Variants in PBLD observed in about 807,000 individuals in gnomAD.
PBLD encodes the protein phenazine biosynthesis-like domain-containing protein.
A neutral mutation model predicts 31.3 loss-of-function variants in PBLD; 26 were observed. That is an observed-to-expected ratio of 0.83 (90% CI 0.61 to 1.15). PBLD has a LOEUF of 1.15. Ranked by LOEUF, PBLD falls within the 50% of genes most tolerant of loss-of-function variation. PBLD has a pLI of 0.00. For synonymous variants in PBLD, 114 were observed against 129.0 expected (o/e 0.88, Z 0.79); for missense variants, 307 against 351.7 (o/e 0.87, Z 1.02).
intron 6 of PBLD, among the ~76,000 whole-genome samples, chr10:68,290,300 T>G (rs2044342385): frequency 6.6e-6 from 1 of 152,190 alleles, no homozygotes; most frequent in Non-Finnish European, 1.5e-5. Flanking sequence ...TCTGCCTCTG[T>G]GACTATGGGC....
chr10:68,310,794 G>C (rs2134493741), intron 1 of PBLD, among the ~76,000 whole-genome samples: 1 of 139,930 alleles, frequency 7.1e-6, no homozygotes, highest in South Asian at 2.3e-4. Flanking sequence ...TCTTCTTTAT[G>C]GCTGAATAAT....
chr10:68,283,289 A>G lies in PBLD; in HGVS notation c.*888T>C, dbSNP rs2044250460. 6.6e-6 allele frequency: 1 copy of G among 152,186 alleles called. No homozygotes were observed. Among genetic ancestry groups the G allele is most frequent in the Non-Finnish European group, 1.5e-5 (1 of 68,042 alleles). The allele number at this position is 152,186 out of a possible 1,614,324, so 9.4% of individuals were successfully genotyped here. ...ATTCATCCTGATTTTTAGTCTTCGT[A>G]CCTGAGTACAACAATAAAGGAAATC... On this transcript the variant is annotated 3_prime_UTR_variant, in exon 10 of 10. Transcript: ENST00000358769.
chr10:68,289,178 T>C (rs2044325617), intron 6 of PBLD, among the ~76,000 whole-genome samples, 159 bp from the exon 7 acceptor site: 1 of 152,004 alleles, frequency 6.6e-6, no homozygotes, highest in African/African-American at 2.4e-5. Flanking sequence ...GAGCTTAAGG[T>C]GTTGCCCAAG....
chr10:68,289,063 C>A, intron 6 of PBLD, 44 bp from the exon 7 acceptor site: 1 of 1,464,952 alleles, frequency 6.8e-7, no homozygotes, highest in South Asian at 1.1e-5. Context: ...TGCCCTGGGC[C>A]AAGTCCTTGA....
At chr10:68,311,472 G>T (rs1294797515) in intron 1 of PBLD, among the ~76,000 whole-genome samples, 1 of 152,132 alleles carries the variant, frequency 6.6e-6, no homozygotes. Flanking sequence ...TGTAGTCCCA[G>T]CTACTTGGGA....
Position 68,283,460 on chromosome 10 carries a change from GTAT to G in PBLD, c.*714_*716del, listed in dbSNP as rs2044251994. 1 of 151,984 alleles carries G rather than the reference GTAT, an allele frequency of 6.6e-6. No homozygotes were observed. The highest frequency in any genetic ancestry group is 1.5e-5 in the Non-Finnish European group (1 of 68,020). The allele number at this position is 151,984 out of a possible 1,614,324, so 9.4% of individuals were successfully genotyped here. ...TTATGGCCTACTGTCCTCTTTCTTAGTATTATATTATAAAATATTTTTCTATAT... is the reference window on the plus strand; with the variant it reads ...TTATGGCCTACTGTCCTCTTTCTTAGTATATTATAAAATATTTTTCTATAT... On this transcript the variant is annotated 3_prime_UTR_variant, in exon 10 of 10. Coordinates refer to ENST00000358769, the MANE Select transcript of PBLD (RefSeq NM_022129.4).
chr10:68,297,063 T>A, intron 2 of PBLD, 78 bp from the exon 3 acceptor site: 1 of 1,096,564 alleles, frequency 9.1e-7, no homozygotes, highest in Non-Finnish European at 1.4e-6. Flanking sequence ...ACCATTAACT[T>A]AAAAAGCAGT....
chr10:68,301,321 A>C (rs562103457), intron 2 of PBLD, among the ~76,000 whole-genome samples: 1 of 152,324 alleles, frequency 6.6e-6, no homozygotes, highest in South Asian at 2.1e-4. Flanking sequence ...GGCCTGGATA[A>C]GTGAGAAATC....
intron 6 of PBLD, among the ~76,000 whole-genome samples, chr10:68,291,183 G>A (rs747293028): frequency 1.3e-5 from 2 of 152,114 alleles, no homozygotes; most frequent in Non-Finnish European, 1.5e-5. Flanking sequence ...CCAAGCCCCT[G>A]GTCATCCAGG....
intron 2 of PBLD, among the ~76,000 whole-genome samples, chr10:68,303,911 G>C (rs921905851): frequency 5.9e-5 from 9 of 151,988 alleles, no homozygotes; most frequent in Non-Finnish European, 1.5e-5. Flanking sequence ...TCTGAGGCCT[G>C]GTACCTTCAG....
chr10:68,323,450 T>C (rs2044866322), intron 1 of PBLD, among the ~76,000 whole-genome samples: 1 of 152,066 alleles, frequency 6.6e-6, no homozygotes, highest in Non-Finnish European at 1.5e-5. Context: ...TAATCCCAGC[T>C]ACTCAGGAGG....
At chr10:68,309,329 C>CACAGAGT in intron 1 of PBLD, among the ~76,000 whole-genome samples, 1 of 146,610 alleles carries the variant, frequency 6.8e-6, no homozygotes, top group East Asian at 2.2e-4. Flanking sequence ...ATCGCTTGAA[C>CACAGAGT]CTGTGAGGCG....
chr10:68,305,248 G>A (rs370948940), intron 2 of PBLD, among the ~76,000 whole-genome samples: 10 of 147,784 alleles, frequency 6.8e-5, no homozygotes, highest in South Asian at 2.1e-4. Flanking sequence ...AATAAAAAAC[G>A]ACATTCCGCT....
chr10:68,314,917 G>A (rs1480422837), intron 1 of PBLD, among the ~76,000 whole-genome samples: 5 of 152,054 alleles, frequency 3.3e-5, no homozygotes, highest in African/African-American at 1.2e-4. Context: ...AGCCTCCCAA[G>A]TAGTTGGGAT....
chr10:68,318,023 C>G (rs375402467), intron 1 of PBLD, among the ~76,000 whole-genome samples: 10 of 151,920 alleles, frequency 6.6e-5, no homozygotes, highest in African/African-American at 7.3e-5. Flanking sequence ...GTCAGGAGAT[C>G]GAGACCATCC....
chr10:68,302,781 C>G (rs1346202187), intron 2 of PBLD, among the ~76,000 whole-genome samples: 2 of 149,672 alleles, frequency 1.3e-5, no homozygotes, highest in Admixed American at 1.3e-4. Flanking sequence ...TTCAAGGCTG[C>G]AGTGAGCTAT....
At chr10:68,332,105 G>A (rs1017294436) in intron 1 of PBLD, 5 of 152,346 alleles carry the variant, frequency 3.3e-5, no homozygotes, top group Non-Finnish European at 7.3e-5. Context: ...TGTCACCGCT[G>A]GAGACGGTTG....
In PBLD at chr10:68,332,888, A is replaced by C. The variant is rs2045271559; in HGVS notation, c.-164T>G. The stretch of plus-strand genomic sequence containing the variant: ...TGGCGACGAAGGTGCTCAACTCCCA[A>C]ATCCAGGACAAAGGAGGCAGACGGC... On this transcript the variant is annotated 5_prime_UTR_variant, in exon 1 of 10. In the 5' UTR this introduces an upstream ATG that the reference lacks. Transcript: ENST00000358769. 1 of 152,186 alleles carries C rather than the reference A, an allele frequency of 6.6e-6. No homozygotes were observed. The highest frequency in any genetic ancestry group is 1.5e-5 in the Non-Finnish European group (1 of 68,078). 9.4% of individuals were successfully genotyped at this position (152,186 alleles called of 1,614,324 possible).
chr10:68,326,241 T>C (rs1488395887), intron 1 of PBLD, among the ~76,000 whole-genome samples: 1 of 152,134 alleles, frequency 6.6e-6, no homozygotes, highest in African/African-American at 2.4e-5. Context: ...GGTCTCACCA[T>C]GTTGCCCAGG....
Sources: allele counts gnomAD v4.1 joint callset (sites outside exome capture counted in the v4.1 genomes callset), GRCh38; gene constraint gnomAD v4.1.1; transcripts MANE v1.5; gene names NCBI Gene and HGNC (gene_info 2026-07-23, HGNC 2026-07-21).